Variants in MARCHF8 observed in about 807,000 individuals in gnomAD.
MARCHF8 encodes membrane associated ring-CH-type finger 8, also known as E3 ubiquitin-protein ligase MARCHF8.
MARCHF8 carries 40 observed loss-of-function variants against 51.6 expected under a neutral mutation model. The ratio of observed to expected loss-of-function variants is 0.77; its 90% CI spans 0.60 to 1.01. The LOEUF is 1.01. Among genes scored for constraint, MARCHF8 ranks in the 50% least tolerant of loss-of-function variants. The pLI, the probability that MARCHF8 is intolerant of heterozygous loss-of-function variation, is 0.00. For synonymous variants in MARCHF8, 263 were observed against 280.3 expected, an observed-to-expected ratio of 0.94 and a Z score of 0.62; for missense variants, 685 against 708.6, an observed-to-expected ratio of 0.97 and a Z score of 0.38.
At chr10:45,540,452 A>C (rs1240154382) in intron 1 of MARCHF8, among the ~76,000 whole-genome samples, 2 of 152,230 alleles carry the variant, frequency 1.3e-5, no homozygotes, top group Admixed American at 1.3e-4. Context: ...TTAGACCTAA[A>C]ACCATAAAAA....
intron 2 of MARCHF8, among the ~76,000 whole-genome samples, chr10:45,499,000 T>A (rs552250277): frequency 2.0e-5 from 3 of 152,324 alleles, no homozygotes; most frequent in Admixed American, 6.5e-5. Context: ...CAGTAATAAT[T>A]ATCTTTTACT....
intron 3 of MARCHF8, among the ~76,000 whole-genome samples, chr10:45,482,327 T>C (rs2042902651): frequency 6.6e-6 from 1 of 152,028 alleles, no homozygotes; most frequent in South Asian, 2.1e-4. Context: ...TAAAACCATA[T>C]GGAACCAAAA....
At chr10:45,518,157 C>CTGA (rs1321141213) in intron 2 of MARCHF8, among the ~76,000 whole-genome samples, 2 of 152,100 alleles carry the variant, frequency 1.3e-5, no homozygotes, top group Non-Finnish European at 2.9e-5. Context: ...GATAAAAGGC[C>CTGA]TGATGACTAT....
intron 2 of MARCHF8, among the ~76,000 whole-genome samples, chr10:45,505,903 G>GT (rs1364648695): frequency 6.6e-6 from 1 of 152,158 alleles, no homozygotes; most frequent in Non-Finnish European, 1.5e-5. Flanking sequence ...TTATAATTCT[G>GT]TATTTGCCAT....
rs34446338 is a variant in MARCHF8, at chr10:45,580,003, CAAAAAAAAAAAAAAA to C, written c.-79+14217_-79+14231del. On this transcript the variant is annotated intron_variant, in intron 1 of 6. Transcript: ENST00000319836. ...ACTCCAGCCTGAAAGACTCCGTCTCCAAAAAAAAAAAAAAAAAAAAAAAAAAAATCCACAGTATTC... is the reference window on the plus strand; with the variant it reads ...ACTCCAGCCTGAAAGACTCCGTCTCCAAAAAAAAAAAAATCCACAGTATTC... 4.7e-4 allele frequency among the ~76,000 whole-genome samples: 17 copies of C among 36,468 alleles called. 3 individuals are homozygous for C. Among genetic ancestry groups the C allele is most frequent in the South Asian group, 4.0e-3 (3 of 742 alleles). 23.9% of individuals were successfully genotyped at this position (36,468 alleles called of 152,430 possible). A position where few individuals can be genotyped will look rare whatever the true frequency, so the allele number is the denominator to read the frequency against.
chr10:45,548,005 C>T (rs2044148125), intron 1 of MARCHF8, among the ~76,000 whole-genome samples: 1 of 152,194 alleles, frequency 6.6e-6, no homozygotes, highest in Admixed American at 6.5e-5. Context: ...AAAAGAAACA[C>T]TGCATTTAAA....
intron 3 of MARCHF8, among the ~76,000 whole-genome samples, chr10:45,488,113 T>C (rs1446751988): frequency 6.6e-6 from 1 of 152,156 alleles, no homozygotes; most frequent in Non-Finnish European, 1.5e-5. Flanking sequence ...GCAGCCAGTG[T>C]GCTCCTGGTG....
chr10:45,572,630 G>C (rs1564520563), intron 1 of MARCHF8, among the ~76,000 whole-genome samples: 1 of 151,986 alleles, frequency 6.6e-6, no homozygotes, highest in Middle Eastern at 3.4e-3. Context: ...TTTACACATC[G>C]GTCCATCCCT....
chr10:45,535,360 T>C lies in MARCHF8; in HGVS notation c.-228A>G, dbSNP rs1022275697. ...GTCAAACTGACGATATCCACAGCCCTATACCTACCATGCCAAAAGCTACCT... is the reference window on the plus strand; with the variant it reads ...GTCAAACTGACGATATCCACAGCCCCATACCTACCATGCCAAAAGCTACCT... On this transcript the variant is annotated 5_prime_UTR_variant, in exon 1 of 8. The change creates a new upstream start codon in the 5' untranslated region. Transcript: ENST00000453424. 1.3e-5 allele frequency: 2 copies of C among 152,266 alleles called. No individual in the cohort carries two copies. Among genetic ancestry groups the C allele is most frequent in the African/African-American group, 4.8e-5 (2 of 41,462 alleles). 9.4% of individuals were successfully genotyped at this position (152,266 alleles called of 1,614,324 possible).
intron 1 of MARCHF8, among the ~76,000 whole-genome samples, chr10:45,561,554 G>A (rs1424009883): frequency 3.3e-5 from 5 of 151,500 alleles, no homozygotes; most frequent in Non-Finnish European, 5.9e-5. Context: ...CATTACAGGC[G>A]TGAGCCACCA....
chr10:45,513,854 G>A (rs925828384), intron 2 of MARCHF8, among the ~76,000 whole-genome samples: 1 of 152,112 alleles, frequency 6.6e-6, no homozygotes, highest in Non-Finnish European at 1.5e-5. Flanking sequence ...GAAGCTAAAA[G>A]ATCTTCCCAG....
chr10:45,577,090 A>G (rs2133409995), intron 1 of MARCHF8, among the ~76,000 whole-genome samples: 1 of 152,336 alleles, frequency 6.6e-6, no homozygotes. Flanking sequence ...GGACTCATCA[A>G]AGAGCCAGAG....
At chr10:45,462,461 A>G (rs1294156819) in intron 5 of MARCHF8, among the ~76,000 whole-genome samples, 1 of 152,336 alleles carries the variant, frequency 6.6e-6, no homozygotes, top group East Asian at 1.9e-4. Flanking sequence ...GTTAAAAAAG[A>G]GGCTGGGAGA....
chr10:45,455,408 G>T lies in MARCHF8; in HGVS notation c.*2831C>A. 1 of 152,338 alleles carries T rather than the reference G, an allele frequency of 6.6e-6. No individual in the cohort carries two copies. 9.4% of individuals were successfully genotyped at this position (152,338 alleles called of 1,614,324 possible). A position where few individuals can be genotyped will look rare whatever the true frequency, so the allele number is the denominator to read the frequency against. ...GAGGCCAAATCAGAGAGGGCTGGCTGGTGATACCCCAGACCACTTGCCTCT... is the reference window on the plus strand; with the variant it reads ...GAGGCCAAATCAGAGAGGGCTGGCTTGTGATACCCCAGACCACTTGCCTCT... On this transcript the variant is annotated 3_prime_UTR_variant, in exon 8 of 8. Coordinates refer to ENST00000453424, the MANE Select transcript of MARCHF8 (RefSeq NM_001282866.2).
intron 3 of MARCHF8, among the ~76,000 whole-genome samples, chr10:45,477,139 G>A (rs997828168): frequency 1.3e-5 from 2 of 151,942 alleles, no homozygotes; most frequent in Non-Finnish European, 2.9e-5. Flanking sequence ...ACCAACAGCA[G>A]ACTTGTCAGC....
At chr10:45,513,608 C>T (rs887586007) in intron 2 of MARCHF8, among the ~76,000 whole-genome samples, 1 of 152,108 alleles carries the variant, frequency 6.6e-6, no homozygotes, top group Non-Finnish European at 1.5e-5. Flanking sequence ...AATACTCTGG[C>T]TCTTTTCATC....
chr10:45,572,971 G>A (rs780694167), intron 1 of MARCHF8, among the ~76,000 whole-genome samples: 1 of 151,778 alleles, frequency 6.6e-6, no homozygotes, highest in African/African-American at 2.4e-5. Context: ...TTCGTTCTGC[G>A]ACTGGCCCTC....
rs528895617 is a variant in MARCHF8, at chr10:45,578,893, G to A, written c.-79+15342C>T. On this transcript the variant is annotated intron_variant, in intron 1 of 6. Transcript: ENST00000319836. ...TACTCTTCCAAAAGATCAATGTCAA[G>A]AATGACAATGAAAGGTTAACAAAGT... Among the ~76,000 whole-genome samples, 68 of 152,254 alleles carry A rather than the reference G, an allele frequency of 4.5e-4. No individual in the cohort carries two copies. In the South Asian group the frequency reaches 0.013, roughly 30 times the overall value.
At chr10:45,503,139 G>C (rs2043311644) in intron 2 of MARCHF8, among the ~76,000 whole-genome samples, 1 of 152,100 alleles carries the variant, frequency 6.6e-6, no homozygotes. Flanking sequence ...TTTTTAAAAA[G>C]CAAAGAGATA....
Sources: allele counts gnomAD v4.1 joint callset (sites outside exome capture counted in the v4.1 genomes callset), GRCh38; gene constraint gnomAD v4.1.1; transcripts MANE v1.5; gene names NCBI Gene and HGNC (gene_info 2026-07-23, HGNC 2026-07-21).